The following ZBTB8A variants were observed in gnomAD, a reference collection of about 807,000 sequenced individuals.
The protein encoded by ZBTB8A is zinc finger and BTB domain-containing protein 8A.
Under a neutral mutation model 37.8 loss-of-function variants are expected in ZBTB8A, and 19 were observed. The ratio of observed to expected loss-of-function variants is 0.50; its 90% confidence interval spans 0.35 to 0.74. ZBTB8A has a LOEUF of 0.74. ZBTB8A is among the 30% of genes least tolerant of loss of function. The pLI, the probability that ZBTB8A is intolerant of heterozygous loss-of-function variation, is 0.01. For synonymous variants in ZBTB8A, 181 were observed against 185.2 expected, an observed-to-expected ratio of 0.98 and a Z score of 0.19; for missense variants, 394 against 537.8, an observed-to-expected ratio of 0.73 and a Z score of 2.65.
intron 2 of ZBTB8A, among the ~76,000 whole-genome samples, chr1:32,591,062 C>CTTTTTTTTTTTTTTTTTTTTTTTTT (rs568744807): frequency 8.1e-6 from 1 of 123,902 alleles, no homozygotes; most frequent in Non-Finnish European, 1.7e-5. Flanking sequence ...CCCAGCTAAA[C>CTTTTTTTTTTTTTTTTTTTTTTTTT]TTTTTTTTTT....
At chr1:32,558,915 A>G (rs764163917) in intron 2 of ZBTB8A, among the ~76,000 whole-genome samples, 8 of 152,158 alleles carry the variant, frequency 5.3e-5, no homozygotes, top group East Asian at 1.9e-4. Context: ...GACATTTACA[A>G]TGTTGCGTTG....
chr1:32,543,216 TG>T (rs1644071905), intron 1 of ZBTB8A, among the ~76,000 whole-genome samples: 2 of 152,254 alleles, frequency 1.3e-5, no homozygotes, highest in African/African-American at 4.8e-5. Context: ...CTCAAGCAGC[TG>T]GGATTACAGG....
intron 1 of ZBTB8A, among the ~76,000 whole-genome samples, chr1:32,539,955 CCGCGGGGGCG>C (rs1644038673): frequency 6.6e-6 from 1 of 151,082 alleles, no homozygotes; most frequent in African/African-American, 2.4e-5. Context: ...CGGGCGGCCG[CCGCGGGGGCG>C]CGCGGGGAGG....
intron 2 of ZBTB8A, among the ~76,000 whole-genome samples, chr1:32,556,485 G>A (rs553915781): frequency 6.6e-6 from 1 of 152,236 alleles, no homozygotes; most frequent in Non-Finnish European, 1.5e-5. Flanking sequence ...CACTGTCTGT[G>A]CCTCCCAAGT....
intron 2 of ZBTB8A, among the ~76,000 whole-genome samples, chr1:32,582,380 G>T (rs952897437): frequency 2.0e-5 from 3 of 152,114 alleles, no homozygotes; most frequent in African/African-American, 7.2e-5. Flanking sequence ...GGGTGCAGTG[G>T]CTTACCCATG....
At chr1:32,584,251 T>G (rs1644428917) in intron 2 of ZBTB8A, among the ~76,000 whole-genome samples, 1 of 152,158 alleles carries the variant, frequency 6.6e-6, no homozygotes, top group Non-Finnish European at 1.5e-5. Context: ...TGTTTGCAAT[T>G]TAATTTTGGA....
rs1009677648 is a variant in ZBTB8A, at chr1:32,602,602, G to A, written c.*2183G>A. On this transcript the variant is annotated 3_prime_UTR_variant, in exon 5 of 5. Transcript: ENST00000373510. ...GTCTCGCTCTGTCGCCCAGGCTGGAGTGCAGTGGTGCAATCTCAGCTCACT... is the reference window on the plus strand; with the variant it reads ...GTCTCGCTCTGTCGCCCAGGCTGGAATGCAGTGGTGCAATCTCAGCTCACT... 1 of 151,852 alleles carries A rather than the reference G, an allele frequency of 6.6e-6. No homozygotes were observed. The highest frequency in any genetic ancestry group is 2.4e-5 in the African/African-American group (1 of 41,342). The allele number at this position is 151,852 out of a possible 1,614,324, so 9.4% of individuals were successfully genotyped here.
chr1:32,568,650 T>G (rs1644302985), intron 2 of ZBTB8A, among the ~76,000 whole-genome samples: 1 of 152,100 alleles, frequency 6.6e-6, no homozygotes, highest in Non-Finnish European at 1.5e-5. Context: ...CCTCCCAAAG[T>G]GCTGGGATTA....
chr1:32,593,737 C>T lies in ZBTB8A; in HGVS notation c.806C>T (p.Thr269Ile), dbSNP rs746561847. The T allele has an allele frequency of 6.2e-7, 1 of 1,608,696 alleles. No individual in the cohort carries two copies. ...GYQYGQGSDVTSKSFPDDLPR... is the reference protein window; with the variant it reads ...GYQYGQGSDVISKSFPDDLPR... Reference sequence around the variant, plus strand: ...CAGTACGGTCAAGGATCTGATGTCACATCCAAAAGCTTTCCAGGTACCCAA... The same window carrying T: ...CAGTACGGTCAAGGATCTGATGTCATATCCAAAAGCTTTCCAGGTACCCAA... Residue 269 changes from threonine to isoleucine, a missense_variant, in exon 3 of 5, where the codon ACA (threonine) becomes ATA (isoleucine). Physicochemically the swap from Thr to Ile is moderately conservative, Grantham distance 89. Around this residue, in one of 4 missense-constraint regions of ZBTB8A, gnomAD observed 171 missense variants for 186.8 expected, o/e 0.92. Transcript: ENST00000373510.
rs704886 is a variant in ZBTB8A, at chr1:32,600,346, C to G, written c.1253C>G (p.Ala418Gly). 92 of 1,614,032 alleles carry G rather than the reference C, an allele frequency of 5.7e-5. No homozygotes were observed. Among genetic ancestry groups the G allele is most frequent in the Non-Finnish European group, 7.5e-5 (89 of 1,179,990 alleles). The change falls in exon 5 of 5, where the codon GCT becomes GGT. Residue 418 changes from alanine to glycine, a missense_variant. Around this residue, in one of 4 missense-constraint regions of ZBTB8A, gnomAD observed 85 missense variants for 89.0 expected, o/e 0.95. Coordinates refer to ENST00000373510, the MANE Select transcript of ZBTB8A (RefSeq NM_001040441.3). ...SYVEIVEDGS[A>G]DLVIQQVDDS... is the part of the protein sequence containing the mutation. ...GTGGAGATTGTAGAAGATGGGTCTG[C>G]TGATCTGGTCATCCAACAGGTTGAT...
intron 2 of ZBTB8A, among the ~76,000 whole-genome samples, chr1:32,555,304 G>A (rs1644192746): frequency 6.6e-6 from 1 of 152,106 alleles, no homozygotes; most frequent in African/African-American, 2.4e-5. Context: ...CAGGAGAATG[G>A]CGTGAACCCG....
At chr1:32,584,399 C>G (rs538517692) in intron 2 of ZBTB8A, among the ~76,000 whole-genome samples, 8 of 151,560 alleles carry the variant, frequency 5.3e-5, no homozygotes, top group African/African-American at 1.9e-4. Context: ...ACACTTAATA[C>G]AATTTAGCAC....
At chr1:32,577,876 C>T (rs1167341674) in intron 2 of ZBTB8A, among the ~76,000 whole-genome samples, 10 of 151,862 alleles carry the variant, frequency 6.6e-5, no homozygotes, top group Non-Finnish European at 5.9e-5. Context: ...AGCCACTTCA[C>T]TTGGCCCAGA....
chr1:32,604,848 T>C lies in ZBTB8A; in HGVS notation c.*4429T>C, dbSNP rs981584648. 4.6e-5 allele frequency: 7 copies of C among 152,004 alleles called. No homozygotes were observed. The highest frequency in any genetic ancestry group is 7.2e-5 in the African/African-American group (3 of 41,396). The allele number at this position is 152,004 out of a possible 1,614,324, so 9.4% of individuals were successfully genotyped here. A position where few individuals can be genotyped will look rare whatever the true frequency, so the allele number is the denominator to read the frequency against. On this transcript the variant is annotated 3_prime_UTR_variant, in exon 5 of 5. Coordinates refer to ENST00000373510, the MANE Select transcript of ZBTB8A (RefSeq NM_001040441.3). The stretch of plus-strand genomic sequence containing the variant: ...GTATGGAAAATCACTAAAAGCAGTG[T>C]AGGATAAGGTGTGTTTAACTGGCCG...
intron 1 of ZBTB8A, among the ~76,000 whole-genome samples, chr1:32,548,496 G>A (rs1186448513): frequency 4.6e-5 from 7 of 151,912 alleles, no homozygotes; most frequent in Non-Finnish European, 1.0e-4. Flanking sequence ...CATCATGCCC[G>A]GCTAATTTTT....
At chr1:32,592,063 C>A (rs1261690080) in intron 2 of ZBTB8A, among the ~76,000 whole-genome samples, 1 of 151,708 alleles carries the variant, frequency 6.6e-6, no homozygotes, top group African/African-American at 2.4e-5. Context: ...GGATGGTCTC[C>A]ATCTCTTGAC....
At chr1:32,539,922 G>T (rs1224740713) in intron 1 of ZBTB8A, among the ~76,000 whole-genome samples, 1 of 150,586 alleles carries the variant, frequency 6.6e-6, no homozygotes, top group African/African-American at 2.4e-5. Context: ...CTCTGGAGGG[G>T]CTCGGGCTGC....
intron 1 of ZBTB8A, among the ~76,000 whole-genome samples, chr1:32,540,175 G>A (rs568026044): frequency 6.6e-6 from 1 of 152,272 alleles, no homozygotes; most frequent in African/African-American, 2.4e-5. Context: ...TTTGCTTCTG[G>A]ACGGAACCTT....
At chr1:32,560,414 A>C (rs994355218) in intron 2 of ZBTB8A, among the ~76,000 whole-genome samples, 2 of 152,046 alleles carry the variant, frequency 1.3e-5, no homozygotes, top group Non-Finnish European at 2.9e-5. Flanking sequence ...CAGAACTGTA[A>C]TACATAAATT....
Sources: allele counts gnomAD v4.1 joint callset (sites outside exome capture counted in the v4.1 genomes callset), GRCh38; gene constraint gnomAD v4.1.1; regional missense constraint gnomAD v4.1.1; transcripts MANE v1.5; gene names NCBI Gene and HGNC (gene_info 2026-07-23, HGNC 2026-07-21).